The following FOXP1 variants were observed in gnomAD, a reference collection of about 807,000 sequenced individuals.
FOXP1 encodes the protein forkhead box protein P1.
In FOXP1, 15 loss-of-function variants were observed where a neutral mutation model predicts 98.2. That is an observed-to-expected ratio of 0.15 (90% CI 0.10 to 0.24). The LOEUF is 0.24. Ranked by LOEUF, FOXP1 falls within the 10% of genes least tolerant of loss-of-function variation. FOXP1 has a pLI of 1.00. For synonymous variants in FOXP1, 371 were observed against 314.5 expected, an observed-to-expected ratio of 1.18 and a Z score of -1.90; for missense variants, 633 against 848.5, an observed-to-expected ratio of 0.75 and a Z score of 3.15.
At chr3:71,031,261 C>T (rs768336162) in intron 11 of FOXP1, among the ~76,000 whole-genome samples, 2 of 152,120 alleles carry the variant, frequency 1.3e-5, no homozygotes, top group Admixed American at 6.5e-5. Context: ...AGAGAGAGAT[C>T]GGCTTGCCAT....
At chr3:71,008,903 C>G (rs962543686) in intron 12 of FOXP1, among the ~76,000 whole-genome samples, 4 of 151,952 alleles carry the variant, frequency 2.6e-5, no homozygotes, top group African/African-American at 9.7e-5. Flanking sequence ...GAGTCCCCCC[C>G]ACCTCTCTTT....
chr3:71,036,676 T>C (rs73119653), intron 11 of FOXP1, among the ~76,000 whole-genome samples: 2,557 of 152,338 alleles, frequency 0.017, 37 homozygotes, highest in Non-Finnish European at 0.023. Context: ...TCTGCCTGTG[T>C]GTAAATCCCC....
chr3:71,416,590 ACACG>A (rs2083241506), intron 3 of FOXP1, among the ~76,000 whole-genome samples: 1 of 147,232 alleles, frequency 6.8e-6, no homozygotes, highest in African/African-American at 2.6e-5. Context: ...ACACACACAC[ACACG>A]CAAAAAAAAA....
intron 5 of FOXP1, among the ~76,000 whole-genome samples, chr3:71,208,905 G>A (rs757452564): frequency 3.3e-5 from 5 of 152,172 alleles, no homozygotes; most frequent in Admixed American, 6.5e-5. Flanking sequence ...GAGGCAGAAA[G>A]GTTGTATGTT....
At chr3:71,348,071 CAT>C (rs916502834) in intron 4 of FOXP1, among the ~76,000 whole-genome samples, 1 of 152,036 alleles carries the variant, frequency 6.6e-6, no homozygotes, top group African/African-American at 2.4e-5. Context: ...TAACAAATAA[CAT>C]AGGACAATTT....
intron 6 of FOXP1, among the ~76,000 whole-genome samples, chr3:71,170,968 A>G (rs1218573745): frequency 1.3e-5 from 2 of 152,062 alleles, no homozygotes; most frequent in African/African-American, 4.8e-5. Flanking sequence ...CTGTACTTTA[A>G]CTGGTCTTCT....
At chr3:71,498,827 G>T (rs1457228653) in intron 2 of FOXP1, among the ~76,000 whole-genome samples, 3 of 152,148 alleles carry the variant, frequency 2.0e-5, no homozygotes, top group Non-Finnish European at 2.9e-5. Context: ...CCAAGACGGG[G>T]CCTGAGAATT....
intron 3 of FOXP1, among the ~76,000 whole-genome samples, chr3:71,387,602 G>T (rs1864900): frequency 0.21 from 32,139 of 152,056 alleles, 4,508 homozygotes; most frequent in African/African-American, 0.39. Context: ...ATTCACATTG[G>T]TTTTTTTCCA....
chr3:71,189,221 C>T (rs1040786258), intron 6 of FOXP1, among the ~76,000 whole-genome samples: 2 of 121,028 alleles, frequency 1.7e-5, no homozygotes, highest in Non-Finnish European at 3.3e-5. Flanking sequence ...AAAACAAAGT[C>T]ATTATAAGAA....
intron 6 of FOXP1, among the ~76,000 whole-genome samples, chr3:71,156,057 T>G (rs914352676): frequency 1.3e-5 from 2 of 152,072 alleles, no homozygotes; most frequent in African/African-American, 2.4e-5. Flanking sequence ...GACAGCAATC[T>G]CTCCTGCAGG....
At chr3:71,265,607 G>A (rs1389109707) in intron 5 of FOXP1, among the ~76,000 whole-genome samples, 5 of 152,200 alleles carry the variant, frequency 3.3e-5, no homozygotes, top group African/African-American at 1.2e-4. Flanking sequence ...CACACACACA[G>A]AGGCAGAGAA....
chr3:71,255,878 G>A (rs2068580612), intron 5 of FOXP1, among the ~76,000 whole-genome samples: 1 of 152,068 alleles, frequency 6.6e-6, no homozygotes, highest in African/African-American at 2.4e-5. Context: ...AAATGAACAT[G>A]AAATTAAACA....
intron 2 of FOXP1, among the ~76,000 whole-genome samples, chr3:71,509,275 T>A (rs1286867825): frequency 2.0e-5 from 3 of 152,196 alleles, no homozygotes; most frequent in African/African-American, 4.8e-5. Flanking sequence ...TATTTGCTCA[T>A]GACTCTAGAA....
intron 13 of FOXP1, among the ~76,000 whole-genome samples, chr3:70,995,759 T>C (rs2041268951): frequency 6.6e-6 from 1 of 152,214 alleles, no homozygotes. Context: ...TCTTCTTGAC[T>C]CTTCTCCAAA....
chr3:71,401,742 T>TAA (rs111264653), intron 3 of FOXP1, among the ~76,000 whole-genome samples: 1,777 of 152,298 alleles, frequency 0.012, 44 homozygotes, highest in African/African-American at 0.041. Flanking sequence ...TAAATCTTGT[T>TAA]ACAACCTGCA....
intron 3 of FOXP1, among the ~76,000 whole-genome samples, chr3:71,389,076 A>T (rs2080822954): frequency 6.6e-6 from 1 of 151,944 alleles, no homozygotes; most frequent in Non-Finnish European, 1.5e-5. Context: ...ACCAAAAAAA[A>T]TTTAGTATTT....
At chr3:71,336,010 CAAAAAAAAAAAAAAAAA>C (rs60051890) in intron 4 of FOXP1, among the ~76,000 whole-genome samples, 4 of 34,058 alleles carry the variant, frequency 1.2e-4, no homozygotes, top group South Asian at 2.1e-3. Flanking sequence ...AACTCCATCT[CAAAAAAAAAAAAAAAAA>C]AAAAAAAAAA....
chr3:71,459,237 TAC>T (rs1234167028), intron 3 of FOXP1, among the ~76,000 whole-genome samples: 1 of 152,208 alleles, frequency 6.6e-6, no homozygotes, highest in Non-Finnish European at 1.5e-5. Context: ...GGGTATTAGG[TAC>T]AGTCTTTACC....
In FOXP1 at chr3:71,542,142, C is replaced by T. The variant is rs528867490; in HGVS notation, c.-298+39407G>A. ...TAAAATAATTTACAAAATGGCTCAA[C>T]AATGAACATTTTCCTCTGTGAAAAA... is the stretch of plus-strand genomic sequence containing the variant. On this transcript the variant is annotated intron_variant, in intron 2 of 20. Coordinates refer to ENST00000649528, the MANE Select transcript of FOXP1 (RefSeq NM_001349338.3). 4 of 440,582 alleles carry T rather than the reference C, an allele frequency of 9.1e-6. No individual in the cohort carries two copies. The Admixed American group carries it at 9.2e-5, about 10-fold the overall frequency. 27.3% of individuals were successfully genotyped at this position (440,582 alleles called of 1,614,324 possible). A position where few individuals can be genotyped will look rare whatever the true frequency, so the allele number is the denominator to read the frequency against.
Sources: allele counts gnomAD v4.1 joint callset (sites outside exome capture counted in the v4.1 genomes callset), GRCh38; gene constraint gnomAD v4.1.1; transcripts MANE v1.5; gene names NCBI Gene and HGNC (gene_info 2026-07-23, HGNC 2026-07-21).